The following STIM1 variants were observed in gnomAD, a reference collection of about 807,000 sequenced individuals.
The protein encoded by STIM1 is stromal interaction molecule 1.
In STIM1, 25 loss-of-function variants were observed where a neutral mutation model predicts 74.7. The observed-to-expected ratio is 0.33, with a 90% CI of 0.24 to 0.47. The LOEUF is 0.47. STIM1 is among the 20% of genes least tolerant of loss of function. The probability of loss-of-function intolerance (pLI) is 1.00; values close to 1 mark genes in which losing one functional copy is unlikely to be tolerated. For synonymous variants in STIM1, 328 were observed against 348.8 expected, an observed-to-expected ratio of 0.94 and a Z score of 0.66; for missense variants, 728 against 920.8, an observed-to-expected ratio of 0.79 and a Z score of 2.71.
chr11:4,022,354 AAAGAG>A (rs1224409450), intron 2 of STIM1, among the ~76,000 whole-genome samples: 3 of 150,942 alleles, frequency 2.0e-5, no homozygotes, highest in Admixed American at 2.0e-4. Flanking sequence ...AAAAAAAAAA[AAAGAG>A]AGAAGATCAT....
intron 2 of STIM1, among the ~76,000 whole-genome samples, chr11:3,998,909 C>T (rs1190761922): frequency 6.6e-6 from 1 of 152,196 alleles, no homozygotes; most frequent in East Asian, 1.9e-4. Flanking sequence ...GCAACTTTTT[C>T]TGTAAAGGAT....
At chr11:3,905,522 CT>C (rs35159342) in intron 1 of STIM1, among the ~76,000 whole-genome samples, 308 of 152,178 alleles carry the variant, frequency 2.0e-3, no homozygotes, top group Middle Eastern at 0.014. Context: ...TGCTGCTCTG[CT>C]GAAGCCTGCG....
intron 1 of STIM1, among the ~76,000 whole-genome samples, chr11:3,910,869 C>T (rs891828148): frequency 6.6e-6 from 1 of 151,824 alleles, no homozygotes; most frequent in Non-Finnish European, 1.5e-5. Flanking sequence ...GCCTATAATC[C>T]CAGCTACTCA....
At chr11:4,060,735 C>T (rs1254995352) in intron 5 of STIM1, among the ~76,000 whole-genome samples, 1 of 152,198 alleles carries the variant, frequency 6.6e-6, no homozygotes, top group East Asian at 1.9e-4. Context: ...CTCTCCAGTA[C>T]TTCTATCTAA....
intron 2 of STIM1, among the ~76,000 whole-genome samples, chr11:3,999,306 T>C (rs115346615): frequency 2.2e-4 from 34 of 152,324 alleles, no homozygotes; most frequent in African/African-American, 7.5e-4. Context: ...CATTTCAGCA[T>C]GGGCAATAGA....
intron 1 of STIM1, among the ~76,000 whole-genome samples, chr11:3,950,213 A>G (rs568869635): frequency 6.0e-5 from 9 of 149,748 alleles, no homozygotes; most frequent in East Asian, 5.9e-4. Context: ...GGCTCACTGC[A>G]ACCTCCACCT....
In STIM1 at chr11:4,070,130, C is replaced by A; in HGVS notation, c.718C>A (p.His240Asn). The A allele has an allele frequency of 6.2e-7, 1 of 1,614,150 alleles. No individual in the cohort carries two copies. The highest frequency in any genetic ancestry group is 8.5e-7 in the Non-Finnish European group (1 of 1,180,018). The part of the protein sequence containing the change: ...AYIQNRYSKE[H>N]MKKMMKDLEG... ...TATCCAGAACCGTTACTCCAAGGAG[C>A]ACATGAAGAAGATGATGAAGGACTT... is the stretch of plus-strand genomic sequence containing the variant. Residue 240 changes from histidine to asparagine, a missense_variant, in exon 6 of 13, where the codon CAC becomes AAC. Transcript: ENST00000526596.
At chr11:3,993,315 CTAT>C (rs2093632517) in intron 2 of STIM1, among the ~76,000 whole-genome samples, 1 of 152,280 alleles carries the variant, frequency 6.6e-6, no homozygotes, top group African/African-American at 2.4e-5. Context: ...GCTGCCTGGA[CTAT>C]TGTTTCCTTA....
At chr11:4,069,993 C>CA in intron 5 of STIM1, 33 bp from the exon 6 acceptor site, 1 of 1,612,638 alleles carries the variant, frequency 6.2e-7, no homozygotes, top group Non-Finnish European at 8.5e-7. Context: ...GCAGTGGGCA[C>CA]CCTAACTCAT....
At chr11:4,006,280 C>T in intron 2 of STIM1, among the ~76,000 whole-genome samples, 1 of 152,204 alleles carries the variant, frequency 6.6e-6, no homozygotes, top group South Asian at 2.1e-4. Context: ...CTTTCACCTT[C>T]TGCCTTGATT....
At chr11:3,919,669 G>A (rs958026089) in intron 1 of STIM1, among the ~76,000 whole-genome samples, 1 of 152,192 alleles carries the variant, frequency 6.6e-6, no homozygotes, top group Non-Finnish European at 1.5e-5. Flanking sequence ...GGTGTATAAA[G>A]CTGTGAGCTG....
intron 1 of STIM1, among the ~76,000 whole-genome samples, chr11:3,955,649 T>C (rs2093203056): frequency 6.6e-6 from 1 of 152,078 alleles, no homozygotes; most frequent in Non-Finnish European, 1.5e-5. Context: ...TTATGTACTT[T>C]ACTGTAAGTG....
chr11:3,966,757 AG>A (rs2093344155), intron 1 of STIM1, among the ~76,000 whole-genome samples: 1 of 152,208 alleles, frequency 6.6e-6, no homozygotes, highest in Non-Finnish European at 1.5e-5. Flanking sequence ...CCTAGATTTC[AG>A]GCTCTTCCTA....
chr11:4,083,055 A>G, intron 9 of STIM1, 73 bp downstream of exon 9: 2 of 1,367,412 alleles, frequency 1.5e-6, no homozygotes, highest in Non-Finnish European at 2.1e-6. Flanking sequence ...CAGGGCCTCC[A>G]ACACCAATTC....
chr11:3,947,293 A>G (rs2093089066), intron 1 of STIM1: 1 of 152,072 alleles, frequency 6.6e-6, no homozygotes, highest in South Asian at 2.1e-4. Context: ...GACAGGTCAT[A>G]TTGTAGTTTT....
intron 1 of STIM1, among the ~76,000 whole-genome samples, chr11:3,891,297 G>T (rs1590532443): frequency 6.7e-6 from 1 of 148,208 alleles, no homozygotes; most frequent in African/African-American, 2.5e-5. Context: ...TATTTTTCAT[G>T]TTTTTTTTTT....
chr11:4,028,137 C>A (rs1362205600), intron 3 of STIM1, among the ~76,000 whole-genome samples: 1 of 143,292 alleles, frequency 7.0e-6, no homozygotes, highest in African/African-American at 3.0e-5. Flanking sequence ...GGCTGGAGTT[C>A]AGTGGCATGA....
intron 2 of STIM1, among the ~76,000 whole-genome samples, chr11:4,010,003 G>A (rs559949018): frequency 3.6e-4 from 55 of 152,076 alleles, no homozygotes; most frequent in African/African-American, 1.3e-3. Context: ...TGTGGAGATG[G>A]GGTTTCACTA....
chr11:3,856,106 T>G lies in STIM1; in HGVS notation c.-165T>G, dbSNP rs201420537. The stretch of plus-strand genomic sequence containing the variant: ...CTCCCGCACCCAAACTTGGAGCACT[T>G]GACCTTTGGCTGTTGGAGGGGGCAG... On this transcript the variant is annotated 5_prime_UTR_variant, in exon 1 of 13. Transcript: ENST00000526596. 4.9e-5 allele frequency: 41 copies of G among 838,966 alleles called. No homozygotes were observed. Among genetic ancestry groups the G allele is most frequent in the Non-Finnish European group, 7.8e-5 (41 of 523,676 alleles). 52.0% of individuals were successfully genotyped at this position (838,966 alleles called of 1,614,324 possible).
Sources: gnomAD v4.1 joint callset for allele counts (sites outside exome capture counted in the v4.1 genomes callset) on GRCh38, gnomAD v4.1.1 for gene constraint, MANE v1.5 for transcripts, NCBI Gene and HGNC (gene_info 2026-07-23, HGNC 2026-07-21) for gene names.